Variants in CTIF observed in about 807,000 individuals in gnomAD.
CTIF encodes CBP80/20-dependent translation initiation factor.
CTIF carries 21 observed loss-of-function variants against 66.0 expected under a neutral mutation model. The ratio of observed to expected loss-of-function variants is 0.32; its 90% CI spans 0.23 to 0.46. CTIF has a LOEUF of 0.46. Ranked by LOEUF, CTIF falls within the 20% of genes least tolerant of loss-of-function variation. The pLI, the probability that CTIF is intolerant of heterozygous loss-of-function variation, is 1.00. For missense variants in CTIF, 739 were observed against 812.7 expected (o/e 0.91, Z 1.10); for synonymous variants, 345 against 326.4 (o/e 1.06, Z -0.62).
chr18:48,849,666 A>G lies in CTIF; in HGVS notation c.1528-7922A>G, dbSNP rs191990286. Among the ~76,000 whole-genome samples, 19 of 146,934 alleles carry G rather than the reference A, an allele frequency of 1.3e-4. 1 individual carries two copies. In the East Asian group the frequency reaches 3.8e-3, roughly 29 times the overall value. ...AGTGGCACGATCTCAGCTCACTGCA[A>G]CCTCTGCCTCCTGGGTTCAAGCAAT... On this transcript the variant is annotated intron_variant, in intron 10 of 11. Transcript: ENST00000256413.
Position 48,777,093 on chromosome 18 carries a change from C to T in CTIF, c.1371+15404C>T, listed in dbSNP as rs181495971. Among the ~76,000 whole-genome samples the T allele has an allele frequency of 2.0e-3, 300 of 152,362 alleles. 2 individuals carry two copies. Among genetic ancestry groups the T allele is most frequent in the African/African-American group, 6.6e-3 (273 of 41,594 alleles). On this transcript the variant is annotated intron_variant, in intron 9 of 11. Coordinates refer to ENST00000256413, the MANE Select transcript of CTIF (RefSeq NM_014772.3). ...TGCCTGTTGCTGACTGATTGGTTAG[C>T]GGGTTGACCAGTGCAGAGCAGGACC...
intron 1 of CTIF, among the ~76,000 whole-genome samples, chr18:48,543,122 A>G (rs1406922595): frequency 1.3e-5 from 2 of 152,112 alleles, no homozygotes; most frequent in Non-Finnish European, 2.9e-5. Context: ...ATTGTCCTCT[A>G]ATTTCATTTC....
At position 48,636,663 on chromosome 18, in the gene CTIF, G is replaced by C. The variant is rs572527562; in HGVS notation, c.230G>C (p.Arg77Pro). 5 of 1,600,886 alleles carry C rather than the reference G, an allele frequency of 3.1e-6. No homozygotes were observed. Among genetic ancestry groups the C allele is most frequent in the African/African-American group, 1.3e-5 (1 of 74,412 alleles). Residue 77 changes from arginine to proline, a missense_variant, in exon 3 of 12, where the codon CGA becomes CCA. Coordinates refer to ENST00000256413, the MANE Select transcript of CTIF (RefSeq NM_014772.3). ...CTGGACAGCAGCTGTTCCTTCTCCC[G>C]AGGGCGAGCCCCCCCACAGCAGGTA... Reference protein sequence around the residue: ...EPLDSSCSFSRGRAPPQQNGS... With the variant: ...EPLDSSCSFSPGRAPPQQNGS...
chr18:48,708,785 G>A (rs906329775), intron 6 of CTIF, among the ~76,000 whole-genome samples: 1 of 152,184 alleles, frequency 6.6e-6, no homozygotes, highest in African/African-American at 2.4e-5. Context: ...CACCACCCTG[G>A]ACCACCAGGC....
chr18:48,794,115 C>CA (rs1176691780), intron 9 of CTIF, among the ~76,000 whole-genome samples: 3 of 152,168 alleles, frequency 2.0e-5, no homozygotes, highest in African/African-American at 7.2e-5. Context: ...CTCAGCCCCC[C>CA]AAAGCAATGC....
At position 48,585,679 on chromosome 18, in the gene CTIF, T is replaced by C. The variant is rs540057990; in HGVS notation, c.-28-33859T>C. Among the ~76,000 whole-genome samples, 9 of 152,274 alleles carry C rather than the reference T, an allele frequency of 5.9e-5. No individual in the cohort carries two copies. In the South Asian group the frequency reaches 1.9e-3, roughly 32 times the overall value. On this transcript the variant is annotated intron_variant, in intron 1 of 11. Coordinates refer to ENST00000256413, the MANE Select transcript of CTIF (RefSeq NM_014772.3). ...TGGACAGGGACACTTGGCATTTTCA[T>C]CCCATCCCTAGGAGGGGCTAGAGCA...
At position 48,861,550 on chromosome 18, in the gene CTIF, G is replaced by C. The variant is rs2069468515; in HGVS notation, c.*1991G>C. On this transcript the variant is annotated 3_prime_UTR_variant, in exon 12 of 12. Coordinates refer to ENST00000256413, the MANE Select transcript of CTIF (RefSeq NM_014772.3). ...CCAGGCAGCCTCCACCTGTGCTTCAGTGGCCCCTGCCCCCCTGAAGCATGT... is the reference window on the plus strand; with the variant it reads ...CCAGGCAGCCTCCACCTGTGCTTCACTGGCCCCTGCCCCCCTGAAGCATGT... The C allele has an allele frequency of 6.6e-6, 1 of 152,418 alleles. No individual in the cohort carries two copies. Among genetic ancestry groups the C allele is most frequent in the African/African-American group, 2.4e-5 (1 of 41,486 alleles). The allele number at this position is 152,418 out of a possible 1,614,324, so 9.4% of individuals were successfully genotyped here.
intron 9 of CTIF, among the ~76,000 whole-genome samples, chr18:48,764,666 T>G (rs1350310358): frequency 6.6e-6 from 1 of 151,984 alleles, no homozygotes; most frequent in Non-Finnish European, 1.5e-5. Flanking sequence ...CCTCCTCTCC[T>G]CCCCCACAGT....
At chr18:48,767,514 G>T (rs764245235) in intron 9 of CTIF, among the ~76,000 whole-genome samples, 106 of 152,246 alleles carry the variant, frequency 7.0e-4, no homozygotes, top group Non-Finnish European at 7.2e-4. Flanking sequence ...GCAGAGCAAA[G>T]TATTATTAGA....
At chr18:48,543,507 CCTT>C (rs1194535747) in intron 1 of CTIF, among the ~76,000 whole-genome samples, 1 of 152,166 alleles carries the variant, frequency 6.6e-6, no homozygotes, top group Non-Finnish European at 1.5e-5. Context: ...ATAATGGTGG[CCTT>C]CTCCCTGTGT....
intron 1 of CTIF, among the ~76,000 whole-genome samples, chr18:48,557,271 G>C (rs996350432): frequency 6.6e-6 from 1 of 152,166 alleles, no homozygotes; most frequent in African/African-American, 2.4e-5. Context: ...TCACCCTTGG[G>C]CTACAGAGGG....
chr18:48,725,377 C>A (rs1271287298), intron 7 of CTIF, among the ~76,000 whole-genome samples: 1 of 152,104 alleles, frequency 6.6e-6, no homozygotes, highest in Non-Finnish European at 1.5e-5. Context: ...CAATTCCCTC[C>A]CAAGGCTCCA....
chr18:48,739,134 T>A (rs939738952), intron 7 of CTIF, among the ~76,000 whole-genome samples: 1 of 152,186 alleles, frequency 6.6e-6, no homozygotes, highest in African/African-American at 2.4e-5. Flanking sequence ...TGCAGAGATG[T>A]GAGTGTCCTC....
intron 6 of CTIF, among the ~76,000 whole-genome samples, chr18:48,705,542 T>A (rs2092141563): frequency 6.6e-6 from 1 of 152,256 alleles, no homozygotes; most frequent in Non-Finnish European, 1.5e-5. Flanking sequence ...CCAACCAGTC[T>A]TTCTGGGGAA....
rs367985336 is a variant in CTIF, at chr18:48,581,217, G to GT, written c.-28-38312dup. Among the ~76,000 whole-genome samples the GT allele has an allele frequency of 8.6e-3, 1,284 of 148,778 alleles. 11 individuals carry two copies. The highest frequency in any genetic ancestry group is 0.027 in the African/African-American group (1,105 of 40,226). Reference sequence around the variant, plus strand: ...GAGTTTGATGTTTTTTTTTGTTTTTGTTTTTTTTTGGGTTTTTTTTGTTGT... The same window carrying GT: ...GAGTTTGATGTTTTTTTTTGTTTTTGTTTTTTTTTTGGGTTTTTTTTGTTGT... On this transcript the variant is annotated intron_variant, in intron 1 of 11. Transcript: ENST00000256413.
At chr18:48,541,529 C>G (rs1403365087) in intron 1 of CTIF, among the ~76,000 whole-genome samples, 1 of 152,236 alleles carries the variant, frequency 6.6e-6, no homozygotes, top group Non-Finnish European at 1.5e-5. Flanking sequence ...CAGGCTCGGG[C>G]TGCGCGAGGA....
In CTIF at chr18:48,758,025, T is replaced by C. The variant is rs776878929; in HGVS notation, c.691T>C (p.Ser231Pro). The part of the protein sequence containing the change: ...RDHQKSYQGG[S>P]APHPSGRPTH... The stretch of plus-strand genomic sequence containing the variant: ...CCACCAGAAATCCTACCAGGGGGGC[T>C]CAGCACCCCACCCCTCAGGGAGGCC... The change falls in exon 8 of 12, where the codon TCA (serine) becomes CCA (proline). Residue 231 changes from serine to proline, a missense_variant. Around this residue, in one of 2 missense-constraint regions of CTIF, gnomAD observed 529 missense variants for 520.3 expected, o/e 1.02. Transcript: ENST00000256413. 1.4e-5 allele frequency: 23 copies of C among 1,613,002 alleles called. No individual in the cohort carries two copies. The highest frequency in any genetic ancestry group is 1.6e-4 in the Middle Eastern group (1 of 6,084).
At chr18:48,561,675 C>T (rs990371524) in intron 1 of CTIF, among the ~76,000 whole-genome samples, 1 of 152,200 alleles carries the variant, frequency 6.6e-6, no homozygotes, top group African/African-American at 2.4e-5. Context: ...TCCTTGTCCC[C>T]TGGCAGAACA....
chr18:48,687,146 G>A (rs1038205374), intron 6 of CTIF, among the ~76,000 whole-genome samples: 4 of 152,046 alleles, frequency 2.6e-5, no homozygotes, highest in Non-Finnish European at 5.9e-5. Context: ...TGTGGGAGTC[G>A]GGGATAAAGC....
Sources: gnomAD v4.1 joint callset for allele counts (sites outside exome capture counted in the v4.1 genomes callset) on GRCh38, gnomAD v4.1.1 for gene constraint, gnomAD v4.1.1 regional missense constraint, MANE v1.5 for transcripts, NCBI Gene and HGNC (gene_info 2026-07-23, HGNC 2026-07-21) for gene names.